The following PPP2R2B variants were observed in gnomAD, a reference collection of about 807,000 sequenced individuals.
The protein encoded by PPP2R2B is protein phosphatase 2 regulatory subunit Bbeta, also known as serine/threonine-protein phosphatase 2A 55 kDa regulatory subunit B beta isoform.
Under a neutral mutation model 46.0 loss-of-function variants are expected in PPP2R2B, and 5 were observed. That is an observed-to-expected ratio of 0.11 (90% confidence interval 0.06 to 0.23). The LOEUF is 0.23. PPP2R2B is among the 10% of genes least tolerant of loss of function. The pLI is 1.00. For missense variants in PPP2R2B, 367 were observed against 575.0 expected, an observed-to-expected ratio of 0.64 and a Z score of 3.70; for synonymous variants, 215 against 206.7, an observed-to-expected ratio of 1.04 and a Z score of -0.34.
intron 2 of PPP2R2B, among the ~76,000 whole-genome samples, chr5:146,703,984 G>A (rs572528599): frequency 6.6e-5 from 10 of 152,262 alleles, no homozygotes; most frequent in Admixed American, 6.5e-4. Flanking sequence ...ACATGAACCT[G>A]TTTATATCAT....
intron 1 of PPP2R2B, among the ~76,000 whole-genome samples, chr5:147,003,323 A>G (rs1260838059): frequency 6.6e-6 from 1 of 152,092 alleles, no homozygotes; most frequent in Non-Finnish European, 1.5e-5. Context: ...CCCCCGGGCT[A>G]TAGGTTATGT....
At chr5:147,016,552 A>AT (rs1755014849) in intron 1 of PPP2R2B, among the ~76,000 whole-genome samples, 1 of 8,046 alleles carries the variant, frequency 1.2e-4, no homozygotes, top group African/African-American at 1.3e-3. Flanking sequence ...GAGAAAACAT[A>AT]GGGGACACAG....
At chr5:146,608,007 T>G (rs533717607) in intron 7 of PPP2R2B, among the ~76,000 whole-genome samples, 3 of 152,360 alleles carry the variant, frequency 2.0e-5, no homozygotes, top group African/African-American at 7.2e-5. Flanking sequence ...CACTATTCTT[T>G]TTTGATTTCT....
intron 2 of PPP2R2B, among the ~76,000 whole-genome samples, chr5:146,789,172 G>T (rs1582106880): frequency 6.6e-6 from 1 of 152,162 alleles, no homozygotes; most frequent in Middle Eastern, 3.2e-3. Flanking sequence ...ACAGCTGATT[G>T]TGTCTTGACA....
chr5:147,034,982 G>A (rs1175289764), intron 1 of PPP2R2B, among the ~76,000 whole-genome samples: 1 of 152,106 alleles, frequency 6.6e-6, no homozygotes, highest in Admixed American at 6.5e-5. Context: ...GGTGGGGGGA[G>A]GAAGAGGAAG....
intron 1 of PPP2R2B, among the ~76,000 whole-genome samples, chr5:147,010,509 G>T (rs879949333): frequency 6.6e-6 from 1 of 152,086 alleles, no homozygotes; most frequent in Non-Finnish European, 1.5e-5. Flanking sequence ...AGATTTTCAG[G>T]CATTAGATCC....
intron 1 of PPP2R2B, among the ~76,000 whole-genome samples, chr5:147,037,401 G>T (rs954055184): frequency 3.3e-5 from 5 of 150,152 alleles, no homozygotes; most frequent in African/African-American, 4.9e-5. Flanking sequence ...CAGACAAAGG[G>T]GTGTGTGTGT....
At chr5:146,704,952 T>A (rs1779750000) in intron 2 of PPP2R2B, among the ~76,000 whole-genome samples, 1 of 152,126 alleles carries the variant, frequency 6.6e-6, no homozygotes, top group Non-Finnish European at 1.5e-5. Flanking sequence ...GAGAATTGAG[T>A]TGAGGCAGGC....
At chr5:146,916,328 A>G (rs1763383665) in intron 1 of PPP2R2B, among the ~76,000 whole-genome samples, 1 of 147,026 alleles carries the variant, frequency 6.8e-6, no homozygotes, top group African/African-American at 2.5e-5. Context: ...AGGAAGTTCT[A>G]TCTCTTTGAG....
intron 5 of PPP2R2B, among the ~76,000 whole-genome samples, chr5:146,682,891 C>T (rs1186294409): frequency 1.3e-5 from 2 of 152,194 alleles, no homozygotes; most frequent in Non-Finnish European, 2.9e-5. Context: ...TGTCCTCAGA[C>T]TGATCTATAC....
intron 1 of PPP2R2B, among the ~76,000 whole-genome samples, chr5:146,929,653 T>C (rs1167247104): frequency 6.6e-6 from 1 of 152,150 alleles, no homozygotes; most frequent in African/African-American, 2.4e-5. Flanking sequence ...CTTAATTTTA[T>C]TATTTAAAAA....
At chr5:146,678,192 C>A (rs1288939134) in intron 5 of PPP2R2B, among the ~76,000 whole-genome samples, 4 of 152,104 alleles carry the variant, frequency 2.6e-5, no homozygotes, top group Non-Finnish European at 5.9e-5. Context: ...AGCTTATCCA[C>A]CATGATCAAG....
intron 5 of PPP2R2B, among the ~76,000 whole-genome samples, chr5:146,681,012 A>G (rs1778134503): frequency 6.6e-6 from 1 of 152,166 alleles, no homozygotes; most frequent in Non-Finnish European, 1.5e-5. Context: ...ACCCCTAGGG[A>G]AATATTTAAA....
Position 146,600,480 on chromosome 5 carries a change from C to G in PPP2R2B, c.791-20G>C. The G allele has an allele frequency of 6.2e-7, 1 of 1,612,298 alleles. No homozygotes were observed. ...CAAAAACTGCAGAACAAAAGCAAAA[C>G]AAGACAAATTTAGCAATCCTTATCA... On this transcript the variant is annotated intron_variant, in intron 7 of 9. Transcript: ENST00000394411.
chr5:146,764,105 A>G (rs1391775593), intron 2 of PPP2R2B, among the ~76,000 whole-genome samples: 7 of 152,080 alleles, frequency 4.6e-5, no homozygotes, highest in Non-Finnish European at 7.4e-5. Flanking sequence ...GAGAGGGGCA[A>G]CCAGCTCAAC....
In PPP2R2B at chr5:146,825,224, G is replaced by A. The variant is rs919482579; in HGVS notation, c.70+52778C>T. 3.3e-5 allele frequency among the ~76,000 whole-genome samples: 5 copies of A among 152,306 alleles called. No homozygotes were observed. The South Asian group carries it at 1.0e-3, about 32-fold the overall frequency. On this transcript the variant is annotated intron_variant, in intron 2 of 9. Transcript: ENST00000394411. The stretch of plus-strand genomic sequence containing the variant: ...GCTGTGTATGGAACAACCCTTCAGA[G>A]GGTTGCTGAGCTGTCCATGGTGCTG...
intron 2 of PPP2R2B, among the ~76,000 whole-genome samples, chr5:146,807,325 GC>G (rs2151313195): frequency 6.6e-6 from 1 of 152,264 alleles, no homozygotes; most frequent in South Asian, 2.1e-4. Context: ...GTATGTTTTT[GC>G]TTATAGGTGT....
chr5:146,594,001 C>A (rs191968206), intron 8 of PPP2R2B, among the ~76,000 whole-genome samples: 1 of 152,120 alleles, frequency 6.6e-6, no homozygotes, highest in East Asian at 1.9e-4. Context: ...AGGGAAAGAG[C>A]AGATAGGACT....
intron 2 of PPP2R2B, among the ~76,000 whole-genome samples, chr5:147,076,718 T>C (rs1228224421): frequency 3.9e-5 from 6 of 152,208 alleles, no homozygotes; most frequent in Admixed American, 2.0e-4. Flanking sequence ...CTTTTATCTG[T>C]AGCTCATTTT....
Sources: allele counts gnomAD v4.1 joint callset (sites outside exome capture counted in the v4.1 genomes callset), GRCh38; gene constraint gnomAD v4.1.1; transcripts MANE v1.5; gene names NCBI Gene and HGNC (gene_info 2026-07-23, HGNC 2026-07-21).